Variants in LATS2 observed in about 807,000 individuals in gnomAD.
The protein encoded by LATS2 is serine/threonine-protein kinase LATS2.
LATS2 carries 24 observed loss-of-function variants against 76.0 expected under a neutral mutation model. That is an observed-to-expected ratio of 0.32 (90% CI 0.23 to 0.44). The LOEUF (loss-of-function observed/expected upper bound fraction) is 0.44. LATS2 is among the 20% of genes least tolerant of loss of function. The pLI, the probability that LATS2 is intolerant of heterozygous loss-of-function variation, is 1.00. For synonymous variants in LATS2, 692 were observed against 635.4 expected (o/e 1.09, Z -1.34); for missense variants, 1,286 against 1,481.2 (o/e 0.87, Z 2.16).
chr13:21,036,341 T>C lies in LATS2; in HGVS notation c.342+9344A>G, dbSNP rs148240343. On this transcript the variant is annotated intron_variant, in intron 2 of 7. Coordinates refer to ENST00000382592, the MANE Select transcript of LATS2 (RefSeq NM_014572.3). ...GCCACTGTGCCTGGCCAAAAGCCCA[T>C]TTTAACAGGAAAGTGGGTCCAGTCT... Among the ~76,000 whole-genome samples the C allele has an allele frequency of 4.4e-3, 670 of 152,196 alleles. 2 individuals are homozygous for C. The highest frequency in any genetic ancestry group is 7.0e-3 in the Non-Finnish European group (477 of 68,000).
At chr13:21,030,546 A>G (rs1029676087) in intron 2 of LATS2, among the ~76,000 whole-genome samples, 20 of 143,070 alleles carry the variant, frequency 1.4e-4, no homozygotes, top group African/African-American at 4.8e-4. Flanking sequence ...CTGAGATCAC[A>G]CCACTGCACT....
chr13:21,060,533 G>C (rs1440862280), intron 1 of LATS2, among the ~76,000 whole-genome samples: 5 of 152,146 alleles, frequency 3.3e-5, no homozygotes, highest in African/African-American at 1.2e-4. Context: ...ACGCCGAGCA[G>C]GGCCTGGCCG....
Position 20,989,248 on chromosome 13 carries a change from C to T in LATS2, c.532G>A (p.Asp178Asn), listed in dbSNP as rs528026146. Residue 178 changes from aspartate (D) to asparagine (N), a missense_variant, in exon 4 of 8, where the codon GAT becomes AAT. By Grantham distance (23) the Asp-to-Asn change is conservative. Coordinates refer to ENST00000382592, the MANE Select transcript of LATS2 (RefSeq NM_014572.3). ...AGCTGGTGGTAGGACGCAAACGAAT[C>T]GCCGGTTCCTTCGAAGCTGGGCCTC... ...TRRPSFEGTG[D>N]SFASYHQLSG... The T allele has an allele frequency of 3.7e-6, 6 of 1,613,906 alleles. No individual in the cohort carries two copies. Among genetic ancestry groups the T allele is most frequent in the Non-Finnish European group, 5.1e-6 (6 of 1,180,040 alleles).
At chr13:20,997,798 G>C (rs781647384) in intron 2 of LATS2, among the ~76,000 whole-genome samples, 3 of 152,210 alleles carry the variant, frequency 2.0e-5, no homozygotes, top group Admixed American at 2.0e-4. Context: ...CAATGTCTAA[G>C]CAGCAGAAGT....
intron 1 of LATS2, among the ~76,000 whole-genome samples, chr13:21,053,167 G>A (rs554774789): frequency 2.0e-5 from 3 of 149,794 alleles, no homozygotes; most frequent in South Asian, 2.1e-4. Context: ...CCCGGGAGGC[G>A]GAGGATGCAG....
chr13:21,038,500 A>C (rs1394356958), intron 2 of LATS2: 1 of 151,912 alleles, frequency 6.6e-6, no homozygotes, highest in Non-Finnish European at 1.5e-5. Context: ...ACTGCACCCC[A>C]CCTATTTTAT....
intron 2 of LATS2, among the ~76,000 whole-genome samples, chr13:21,007,762 T>TA (rs1565952452): frequency 4.2e-4 from 6 of 14,272 alleles, no homozygotes; most frequent in African/African-American, 1.1e-3. Flanking sequence ...ATATATATAT[T>TA]TTTTTTTTTT....
intron 2 of LATS2, among the ~76,000 whole-genome samples, chr13:21,036,871 C>T (rs939200754): frequency 5.3e-5 from 8 of 152,146 alleles, no homozygotes; most frequent in East Asian, 1.9e-4. Flanking sequence ...TAATATTCAT[C>T]GTTAGCAGGG....
At chr13:20,987,860 A>G in intron 4 of LATS2, 21 bp downstream of exon 4, 1 of 1,606,150 alleles carries the variant, frequency 6.2e-7, no homozygotes, top group Non-Finnish European at 8.5e-7. Context: ...AACAAATAGT[A>G]AAAATGAAGT....
At chr13:20,981,261 A>C (rs1475621224) in intron 6 of LATS2, among the ~76,000 whole-genome samples, 1 of 152,184 alleles carries the variant, frequency 6.6e-6, no homozygotes, top group Non-Finnish European at 1.5e-5. Flanking sequence ...CTAATGGTGC[A>C]TGTCTTCCAA....
At chr13:20,982,180 TAA>T (rs1213647925) in intron 5 of LATS2, among the ~76,000 whole-genome samples, 1 of 152,208 alleles carries the variant, frequency 6.6e-6, no homozygotes, top group African/African-American at 2.4e-5. Context: ...ATCTCAGCCA[TAA>T]AGAAGATAAT....
At chr13:21,018,385 C>CA (rs1411938114) in intron 2 of LATS2, among the ~76,000 whole-genome samples, 1 of 120,954 alleles carries the variant, frequency 8.3e-6, no homozygotes, top group East Asian at 3.2e-4. Flanking sequence ...GATGAGGAGA[C>CA]AAGGGTTGAC....
At chr13:20,994,833 C>T (rs1260783595) in intron 2 of LATS2, among the ~76,000 whole-genome samples, 2 of 122,378 alleles carry the variant, frequency 1.6e-5, no homozygotes, top group South Asian at 2.6e-4. Flanking sequence ...GCAGGCTGGG[C>T]AACAAAGTAA....
chr13:20,996,244 C>T (rs1870743594), intron 2 of LATS2, among the ~76,000 whole-genome samples: 2 of 152,162 alleles, frequency 1.3e-5, no homozygotes, highest in African/African-American at 4.8e-5. Flanking sequence ...GTGCAAAACC[C>T]AATCTCCTGC....
At chr13:21,040,389 AAAG>A (rs1179461732) in intron 2 of LATS2, among the ~76,000 whole-genome samples, 1 of 151,684 alleles carries the variant, frequency 6.6e-6, no homozygotes, top group African/African-American at 2.4e-5. Context: ...AAAAAAAAAA[AAAG>A]AAAGAAAAAG....
At chr13:20,996,209 C>A (rs1870742093) in intron 2 of LATS2, among the ~76,000 whole-genome samples, 1 of 152,108 alleles carries the variant, frequency 6.6e-6, no homozygotes, top group Admixed American at 6.5e-5. Context: ...ATGCCACCTG[C>A]TGCAAGAGTA....
intron 5 of LATS2, 143 bp from the exon 6 acceptor site, chr13:20,981,791 G>T: frequency 1.4e-6 from 1 of 705,668 alleles, no homozygotes. Flanking sequence ...GAGAATCCCC[G>T]CTGAGCTGCT....
chr13:21,012,277 T>C (rs981333652), intron 2 of LATS2, among the ~76,000 whole-genome samples: 3 of 151,620 alleles, frequency 2.0e-5, no homozygotes, highest in Admixed American at 6.6e-5. Flanking sequence ...TTGTGGAGGG[T>C]GAGTGAGTGA....
At position 20,988,953 on chromosome 13, in the gene LATS2, T is replaced by C. The variant is rs1457756436; in HGVS notation, c.827A>G (p.Gln276Arg). The C allele has an allele frequency of 1.8e-5, 28 of 1,536,190 alleles. No individual in the cohort carries two copies. Among genetic ancestry groups the C allele is most frequent in the Non-Finnish European group, 2.3e-5 (26 of 1,146,118 alleles). The change falls in exon 4 of 8, where the codon CAG becomes CGG. Residue 276 changes from glutamine (Q) to arginine (R), a missense_variant. By Grantham distance (43) the Gln-to-Arg change is conservative (BLOSUM62 1). Around this residue, in one of 5 missense-constraint regions of LATS2, gnomAD observed 710 missense variants for 660.9 expected, o/e 1.07. Transcript: ENST00000382592. The stretch of plus-strand genomic sequence containing the variant: ...CCCGGTCTCCGGCGGCGTCTTGCTC[T>C]GGAAGGAGGGGCTGCGCTGCACTCC... Reference protein sequence around the residue: ...GYGVQRSPSFQSKTPPETGGY... With the variant: ...GYGVQRSPSFRSKTPPETGGY...
Sources: gnomAD v4.1 joint callset for allele counts (sites outside exome capture counted in the v4.1 genomes callset) on GRCh38, gnomAD v4.1.1 for gene constraint, gnomAD v4.1.1 regional missense constraint, MANE v1.5 for transcripts, NCBI Gene and HGNC (gene_info 2026-07-23, HGNC 2026-07-21) for gene names.